Variants in CSMD3 observed in about 807,000 individuals in gnomAD.
CSMD3 encodes CUB and Sushi multiple domains 3.
A neutral mutation model predicts 435.2 loss-of-function variants in CSMD3; 177 were observed. That is an observed-to-expected ratio of 0.41 (90% CI 0.36 to 0.46). The LOEUF is 0.46. CSMD3 is among the 20% of genes least tolerant of loss of function. CSMD3 has a pLI of 0.34. For synonymous variants in CSMD3, 1,656 were observed against 1,520.5 expected, an observed-to-expected ratio of 1.09 and a Z score of -2.07; for missense variants, 4,265 against 4,504.6, an observed-to-expected ratio of 0.95 and a Z score of 1.52.
intron 13 of CSMD3, among the ~76,000 whole-genome samples, chr8:112,740,222 T>A (rs1405180179): frequency 2.0e-5 from 3 of 151,852 alleles, no homozygotes; most frequent in Non-Finnish European, 2.9e-5. Context: ...TTTCCGTCAA[T>A]ATATACTGCC....
intron 4 of CSMD3, among the ~76,000 whole-genome samples, chr8:113,167,356 T>C (rs1485900264): frequency 6.6e-6 from 1 of 152,186 alleles, no homozygotes; most frequent in Non-Finnish European, 1.5e-5. Context: ...CTAATTTCTT[T>C]AACCTTCACC....
At chr8:112,799,932 G>T (rs1182094685) in intron 13 of CSMD3, among the ~76,000 whole-genome samples, 1 of 151,818 alleles carries the variant, frequency 6.6e-6, no homozygotes, top group Non-Finnish European at 1.5e-5. Context: ...ATAATATACT[G>T]GGAGAAAGAT....
intron 3 of CSMD3, among the ~76,000 whole-genome samples, chr8:113,253,623 C>T (rs1311472396): frequency 2.6e-5 from 4 of 151,786 alleles, no homozygotes; most frequent in African/African-American, 7.3e-5. Flanking sequence ...GGGCAGATAA[C>T]GAGGTCAAGA....
At chr8:112,834,466 C>T (rs2079966604) in intron 11 of CSMD3, among the ~76,000 whole-genome samples, 1 of 151,590 alleles carries the variant, frequency 6.6e-6, no homozygotes, top group Non-Finnish European at 1.5e-5. Context: ...TACAGTAAAA[C>T]TCCAACTTAG....
At chr8:112,432,498 A>G (rs963558146) in intron 32 of CSMD3, among the ~76,000 whole-genome samples, 2 of 151,950 alleles carry the variant, frequency 1.3e-5, no homozygotes, top group Non-Finnish European at 2.9e-5. Context: ...TTTTATCTAA[A>G]TATAGAGTCT....
intron 9 of CSMD3, among the ~76,000 whole-genome samples, chr8:112,942,733 T>A (rs1166628330): frequency 6.6e-6 from 1 of 151,282 alleles, no homozygotes; most frequent in Non-Finnish European, 1.5e-5. Flanking sequence ...GAGAGGAGGG[T>A]GAGGATCAGA....
intron 2 of CSMD3, among the ~76,000 whole-genome samples, chr8:113,305,012 G>A (rs1215236642): frequency 4.0e-5 from 6 of 149,584 alleles, no homozygotes; most frequent in Non-Finnish European, 8.9e-5. Flanking sequence ...GGACATGGAT[G>A]AAATTGGAAA....
At chr8:112,613,616 C>A (rs937728340) in intron 22 of CSMD3, among the ~76,000 whole-genome samples, 1 of 152,138 alleles carries the variant, frequency 6.6e-6, no homozygotes, top group Non-Finnish European at 1.5e-5. Flanking sequence ...TGGCACACTA[C>A]ACTTTGCAAG....
chr8:113,116,532 C>T (rs533190461), intron 4 of CSMD3, among the ~76,000 whole-genome samples: 172 of 152,222 alleles, frequency 1.1e-3, no homozygotes, highest in Middle Eastern at 0.01. Flanking sequence ...CAGACTTATA[C>T]AGTTAATTGG....
chr8:112,531,479 C>T (rs1000984293), intron 27 of CSMD3, among the ~76,000 whole-genome samples: 6 of 152,118 alleles, frequency 3.9e-5, no homozygotes, highest in Non-Finnish European at 8.8e-5. Flanking sequence ...CATGTAACCC[C>T]TTCCCAAACT....
At chr8:113,323,198 T>C (rs1377670794) in intron 1 of CSMD3, among the ~76,000 whole-genome samples, 2 of 152,178 alleles carry the variant, frequency 1.3e-5, no homozygotes, top group Non-Finnish European at 2.9e-5. Flanking sequence ...GTTTTTCCCA[T>C]AAGAATGTAA....
intron 13 of CSMD3, among the ~76,000 whole-genome samples, chr8:112,708,359 A>G (rs1303049428): frequency 1.3e-5 from 2 of 152,100 alleles, no homozygotes; most frequent in Non-Finnish European, 2.9e-5. Flanking sequence ...TTAATTGTGT[A>G]AGATTGGAAA....
intron 5 of CSMD3, among the ~76,000 whole-genome samples, chr8:113,028,082 G>A (rs868362884): frequency 2.6e-5 from 4 of 151,920 alleles, no homozygotes; most frequent in Non-Finnish European, 5.9e-5. Flanking sequence ...TGCTGCATTG[G>A]GCAAGTGGCA....
intron 22 of CSMD3, among the ~76,000 whole-genome samples, chr8:112,599,786 G>A (rs541043910): frequency 9.1e-4 from 133 of 146,510 alleles, no homozygotes; most frequent in African/African-American, 3.2e-3. Flanking sequence ...ACCAAACACC[G>A]TATATTCTCA....
At chr8:112,500,749 C>T (rs1821856546) in intron 30 of CSMD3, among the ~76,000 whole-genome samples, 1 of 152,166 alleles carries the variant, frequency 6.6e-6, no homozygotes, top group African/African-American at 2.4e-5. Flanking sequence ...CAGAAGCTTG[C>T]ACAGGTGAAT....
intron 13 of CSMD3, among the ~76,000 whole-genome samples, chr8:112,759,506 A>G (rs1382928416): frequency 1.3e-5 from 2 of 152,100 alleles, no homozygotes; most frequent in African/African-American, 4.8e-5. Context: ...TATTACATTG[A>G]AATGTACAGA....
intron 10 of CSMD3, among the ~76,000 whole-genome samples, chr8:112,884,733 C>G (rs1486010303): frequency 6.6e-6 from 1 of 150,870 alleles, no homozygotes; most frequent in Non-Finnish European, 1.5e-5. Context: ...TTTCTTTTTA[C>G]TTGGTACTTT....
chr8:113,119,318 T>C (rs1476236248), intron 4 of CSMD3, among the ~76,000 whole-genome samples: 5 of 152,162 alleles, frequency 3.3e-5, no homozygotes, highest in Non-Finnish European at 7.3e-5. Context: ...ATTCTAACAA[T>C]AGCTCTAAGA....
At chr8:112,662,062 G>A (rs1686729536) in intron 17 of CSMD3, among the ~76,000 whole-genome samples, 1 of 152,068 alleles carries the variant, frequency 6.6e-6, no homozygotes, top group African/African-American at 2.4e-5. Flanking sequence ...CTCATGGGTA[G>A]GAAGAATCAA....
Sources: allele counts gnomAD v4.1 joint callset (sites outside exome capture counted in the v4.1 genomes callset), GRCh38; gene constraint gnomAD v4.1.1; transcripts MANE v1.5; gene names NCBI Gene and HGNC (gene_info 2026-07-23, HGNC 2026-07-21).